GRID2: variants seen among roughly 807,000 people sequenced by gnomAD.
The protein encoded by GRID2 is glutamate receptor ionotropic, delta-2.
GRID2 carries 33 observed loss-of-function variants against 114.8 expected under a neutral mutation model. That is an observed-to-expected ratio of 0.29 (90% CI 0.22 to 0.38). The LOEUF (loss-of-function observed/expected upper bound fraction) is 0.38. Ranked by LOEUF, GRID2 falls within the 10% of genes least tolerant of loss-of-function variation. GRID2 has a pLI of 1.00. For missense variants in GRID2, 1,184 were observed against 1,257.7 expected, an observed-to-expected ratio of 0.94 and a Z score of 0.89; for synonymous variants, 505 against 449.9, an observed-to-expected ratio of 1.12 and a Z score of -1.55.
chr4:93,590,519 G>A (rs1428617455), intron 13 of GRID2, among the ~76,000 whole-genome samples: 1 of 151,170 alleles, frequency 6.6e-6, no homozygotes, highest in African/African-American at 2.4e-5. Context: ...TTTGGCTTAG[G>A]ATTGACTTGG....
intron 2 of GRID2, among the ~76,000 whole-genome samples, chr4:92,955,872 G>A (rs1752371105): frequency 6.6e-6 from 1 of 152,000 alleles, no homozygotes; most frequent in Non-Finnish European, 1.5e-5. Context: ...ATTAAATAGG[G>A]AATCCTTTCC....
rs73841812 is a variant in GRID2 at position 93,617,703 on chromosome 4, A to G, written c.2194-8566A>G. Among the ~76,000 whole-genome samples the G allele has an allele frequency of 4.3e-3, 657 of 152,330 alleles. 6 individuals are homozygous for G. The highest frequency in any genetic ancestry group is 0.015 in the African/African-American group (632 of 41,578). On this transcript the variant is annotated intron_variant, in intron 13 of 15. Transcript: ENST00000282020. The stretch of plus-strand genomic sequence containing the variant: ...TTAAATTAACATTATCTTGGTATCG[A>G]GATGATACCAAGAAAACCGTTAATC...
chr4:92,465,022 G>T (rs986687046), intron 1 of GRID2, among the ~76,000 whole-genome samples: 2 of 152,016 alleles, frequency 1.3e-5, no homozygotes, highest in Non-Finnish European at 2.9e-5. Flanking sequence ...GTGAAGATGT[G>T]CCAGCTTCCC....
intron 1 of GRID2, among the ~76,000 whole-genome samples, chr4:92,499,356 C>G (rs1016201737): frequency 1.3e-5 from 2 of 152,038 alleles, no homozygotes; most frequent in African/African-American, 4.8e-5. Context: ...TTGTTATTTC[C>G]TTATTCTGCT....
At chr4:92,701,936 C>A (rs1734693796) in intron 2 of GRID2, among the ~76,000 whole-genome samples, 1 of 152,036 alleles carries the variant, frequency 6.6e-6, no homozygotes, top group Non-Finnish European at 1.5e-5. Flanking sequence ...TATACTGACC[C>A]AATAATTTGA....
chr4:93,327,750 T>A (rs745597299), intron 8 of GRID2, among the ~76,000 whole-genome samples: 1 of 139,662 alleles, frequency 7.2e-6, no homozygotes, highest in South Asian at 2.4e-4. Flanking sequence ...GGGGGTCAAG[T>A]GGGGGGATGA....
Position 92,990,283 on chromosome 4 carries a change from G to GTATATATATATA in GRID2, c.245-94711_245-94710insATATATATATAT, listed in dbSNP as rs768992597. On this transcript the variant is annotated intron_variant, in intron 2 of 15. Coordinates refer to ENST00000282020, the MANE Select transcript of GRID2 (RefSeq NM_001510.4). ...TATATATATATGTACGTAGATATGT[G>GTATATATATATA]TGTGTATATATATATATATATATGT... Among the ~76,000 whole-genome samples, 410 of 49,108 alleles carry GTATATATATATA rather than the reference G, an allele frequency of 8.3e-3. 2 individuals are homozygous for GTATATATATATA. Among genetic ancestry groups the GTATATATATATA allele is most frequent in the Non-Finnish European group, 0.015 (331 of 21,544 alleles). The allele number at this position is 49,108 out of a possible 152,430, so 32.2% of individuals were successfully genotyped here.
chr4:92,997,051 A>G (rs921707365), intron 2 of GRID2, among the ~76,000 whole-genome samples: 1 of 152,216 alleles, frequency 6.6e-6, no homozygotes, highest in Non-Finnish European at 1.5e-5. Flanking sequence ...ATTATCAAAA[A>G]GCATCATCAT....
At chr4:93,133,128 A>G (rs911092762) in intron 4 of GRID2, among the ~76,000 whole-genome samples, 1 of 152,082 alleles carries the variant, frequency 6.6e-6, no homozygotes, top group African/African-American at 2.4e-5. Context: ...TTTCCTTTGC[A>G]TGCTCTTGCA....
At chr4:93,468,972 C>T (rs936014438) in intron 11 of GRID2, among the ~76,000 whole-genome samples, 7 of 152,056 alleles carry the variant, frequency 4.6e-5, no homozygotes, top group Non-Finnish European at 1.0e-4. Flanking sequence ...ACCCAGCCAT[C>T]GTACATTTTA....
chr4:93,469,138 C>A (rs1406305632), intron 11 of GRID2, among the ~76,000 whole-genome samples: 2 of 152,068 alleles, frequency 1.3e-5, no homozygotes, highest in African/African-American at 4.8e-5. Flanking sequence ...GAAGGCCATT[C>A]TTTTCTGATA....
chr4:92,532,878 G>T (rs1442490414), intron 1 of GRID2, among the ~76,000 whole-genome samples: 1 of 152,006 alleles, frequency 6.6e-6, no homozygotes, highest in African/African-American at 2.4e-5. Flanking sequence ...TTCAAGACCA[G>T]TCCTGGCAAC....
chr4:92,473,386 T>G (rs1390445073), intron 1 of GRID2, among the ~76,000 whole-genome samples: 2 of 152,108 alleles, frequency 1.3e-5, no homozygotes, highest in Non-Finnish European at 2.9e-5. Flanking sequence ...AGTTTTATTT[T>G]TTCACTTTTT....
chr4:93,429,449 A>G (rs1024317874), intron 10 of GRID2, among the ~76,000 whole-genome samples: 8 of 152,190 alleles, frequency 5.3e-5, no homozygotes, highest in African/African-American at 9.7e-5. Context: ...TATGAAGAAA[A>G]AAGCTTGATG....
At chr4:93,515,142 C>A in intron 12 of GRID2, 74 bp from the exon 13 acceptor site, 1 of 580,630 alleles carries the variant, frequency 1.7e-6, no homozygotes, top group Non-Finnish European at 2.8e-6. Flanking sequence ...CTTTTTTTTT[C>A]TTTTAACTTT....
At chr4:93,250,386 C>A (rs1049555771) in intron 8 of GRID2, among the ~76,000 whole-genome samples, 2 of 151,568 alleles carry the variant, frequency 1.3e-5, no homozygotes, top group Non-Finnish European at 2.9e-5. Flanking sequence ...AGGGGAAATA[C>A]CTAATGTAGA....
chr4:92,404,039 G>T (rs1579304790), intron 1 of GRID2, among the ~76,000 whole-genome samples: 1 of 152,108 alleles, frequency 6.6e-6, no homozygotes, highest in East Asian at 1.9e-4. Flanking sequence ...CAAATATTGT[G>T]AGAATTACCA....
intron 1 of GRID2, among the ~76,000 whole-genome samples, chr4:92,533,181 T>TG (rs1725431542): frequency 6.9e-6 from 1 of 143,968 alleles, no homozygotes. Context: ...ACAACTTTGG[T>TG]GTGTTTTTTT....
At chr4:92,722,623 G>C (rs1735864905) in intron 2 of GRID2, among the ~76,000 whole-genome samples, 1 of 152,000 alleles carries the variant, frequency 6.6e-6, no homozygotes, top group Admixed American at 6.6e-5. Context: ...GTATACCAGA[G>C]ACTTATGACT....
Sources: allele counts gnomAD v4.1 joint callset (sites outside exome capture counted in the v4.1 genomes callset), GRCh38; gene constraint gnomAD v4.1.1; transcripts MANE v1.5; gene names NCBI Gene and HGNC (gene_info 2026-07-23, HGNC 2026-07-21).